ADGRL2: variants seen among roughly 807,000 people sequenced by gnomAD.
ADGRL2 encodes the protein calcium-independent alpha-latrotoxin receptor 2.
ADGRL2 carries 44 observed loss-of-function variants against 157.4 expected under a neutral mutation model. The observed-to-expected ratio is 0.28, with a 90% CI of 0.22 to 0.36. The LOEUF is 0.36. Among genes scored for constraint, ADGRL2 ranks in the 10% least tolerant of loss-of-function variants. The probability of loss-of-function intolerance (pLI) is 1.00; values close to 1 mark genes in which losing one functional copy is unlikely to be tolerated. For missense variants in ADGRL2, 1,510 were observed against 1,768.9 expected (o/e 0.85, Z 2.63); for synonymous variants, 585 against 624.7 (o/e 0.94, Z 0.95).
intron 1 of ADGRL2, among the ~76,000 whole-genome samples, chr1:81,344,434 T>G (rs1662312918): frequency 6.6e-6 from 1 of 152,102 alleles, no homozygotes; most frequent in Non-Finnish European, 1.5e-5. Context: ...CTCAGCACTT[T>G]GGGAGGACGA....
intron 18 of ADGRL2, 141 bp downstream of exon 18, chr1:81,980,101 G>A: frequency 3.4e-6 from 2 of 581,366 alleles, no homozygotes; most frequent in Non-Finnish European, 6.2e-6. Flanking sequence ...TTGAATCTCA[G>A]TGTTACTATA....
intron 2 of ADGRL2, among the ~76,000 whole-genome samples, chr1:81,773,162 T>C (rs1222788741): frequency 1.3e-5 from 2 of 152,126 alleles, no homozygotes; most frequent in African/African-American, 2.4e-5. Flanking sequence ...AATATATCAA[T>C]TGATGTATCC....
chr1:81,486,478 A>T (rs1232584570), intron 2 of ADGRL2, among the ~76,000 whole-genome samples: 1 of 152,162 alleles, frequency 6.6e-6, no homozygotes, highest in Non-Finnish European at 1.5e-5. Context: ...ACATACTGAG[A>T]TTTTAAAAGC....
At chr1:81,523,416 C>A (rs2148183131) in intron 2 of ADGRL2, among the ~76,000 whole-genome samples, 1 of 151,814 alleles carries the variant, frequency 6.6e-6, no homozygotes, top group African/African-American at 2.4e-5. Flanking sequence ...TATTGGCATG[C>A]ATACACACAC....
At chr1:81,940,955 T>C (rs1647721083) in intron 4 of ADGRL2, among the ~76,000 whole-genome samples, 1 of 149,822 alleles carries the variant, frequency 6.7e-6, no homozygotes, top group Non-Finnish European at 1.5e-5. Flanking sequence ...TTTTTCCTCA[T>C]GTAACTCTAC....
intron 1 of ADGRL2, among the ~76,000 whole-genome samples, chr1:81,815,270 C>T (rs1402469080): frequency 4.6e-5 from 7 of 151,724 alleles, no homozygotes; most frequent in Non-Finnish European, 8.9e-5. Context: ...TGTTAATACT[C>T]GTGTCAGAGG....
At chr1:81,879,252 AAAACACAGAG>A (rs755614787) in intron 2 of ADGRL2, among the ~76,000 whole-genome samples, 1 of 152,110 alleles carries the variant, frequency 6.6e-6, no homozygotes, top group Non-Finnish European at 1.5e-5. Context: ...AAGTATGCTT[AAAACACAGAG>A]TAATTAGCGA....
chr1:81,672,440 A>G (rs1194268521), intron 3 of ADGRL2, among the ~76,000 whole-genome samples: 1 of 152,184 alleles, frequency 6.6e-6, no homozygotes, highest in Admixed American at 6.5e-5. Flanking sequence ...TTTACAAGCT[A>G]AAAAAGCACT....
chr1:81,695,752 C>A (rs922500496), upstream of ADGRL2, among the ~76,000 whole-genome samples: 1 of 150,274 alleles, frequency 6.7e-6, no homozygotes, highest in African/African-American at 2.5e-5. Flanking sequence ...AGCTGGGAGG[C>A]GGAGGTTGCA....
intron 2 of ADGRL2, among the ~76,000 whole-genome samples, chr1:81,528,570 C>A (rs2079522687): frequency 6.9e-6 from 1 of 144,354 alleles, no homozygotes; most frequent in Non-Finnish European, 1.5e-5. Flanking sequence ...TGGCATGAAC[C>A]AGGGTGGCGG....
chr1:81,708,206 T>C (rs2083804408), intron 1 of ADGRL2, among the ~76,000 whole-genome samples: 1 of 152,126 alleles, frequency 6.6e-6, no homozygotes, highest in African/African-American at 2.4e-5. Flanking sequence ...CGGTTGTTGG[T>C]TTATCCGTCA....
chr1:81,882,297 G>A (rs944139029), intron 2 of ADGRL2, among the ~76,000 whole-genome samples: 1 of 152,022 alleles, frequency 6.6e-6, no homozygotes, highest in Non-Finnish European at 1.5e-5. Context: ...GAAGAATTTG[G>A]TTTATGCCAA....
At chr1:81,651,762 C>T (rs2082424972) in intron 3 of ADGRL2, among the ~76,000 whole-genome samples, 1 of 152,170 alleles carries the variant, frequency 6.6e-6, no homozygotes, top group Non-Finnish European at 1.5e-5. Context: ...GAGACAGGAT[C>T]TTGCTCATCA....
At chr1:81,610,467 G>A (rs968884686) in intron 3 of ADGRL2, among the ~76,000 whole-genome samples, 4 of 152,168 alleles carry the variant, frequency 2.6e-5, no homozygotes, top group Admixed American at 1.3e-4. Flanking sequence ...ACCATCAGAA[G>A]GAGGGCAGAT....
upstream of ADGRL2, among the ~76,000 whole-genome samples, chr1:81,696,568 C>T (rs1000518119): frequency 1.1e-4 from 16 of 151,858 alleles, no homozygotes; most frequent in African/African-American, 2.7e-4. Flanking sequence ...CTGGCTAACA[C>T]GGTGAAACCC....
rs187256931 is a variant in ADGRL2 at position 81,363,140 on chromosome 1, A to T, written c.-302+56631A>T. Among the ~76,000 whole-genome samples, 118 of 152,212 alleles carry T rather than the reference A, an allele frequency of 7.8e-4. 1 individual carries two copies. Among genetic ancestry groups the T allele is most frequent in the African/African-American group, 2.6e-3 (107 of 41,570 alleles). On this transcript the variant is annotated intron_variant, in intron 1 of 24. Transcript: ENST00000370721. ...TAAATCATTTCAGTATTTGGATGTAATTAGTCACATAAAAAAAGTTACAAA... is the reference window on the plus strand; with the variant it reads ...TAAATCATTTCAGTATTTGGATGTATTTAGTCACATAAAAAAAGTTACAAA...
At chr1:81,926,898 C>A (rs1439535508) in intron 3 of ADGRL2, among the ~76,000 whole-genome samples, 2 of 151,906 alleles carry the variant, frequency 1.3e-5, no homozygotes, top group Admixed American at 1.3e-4. Flanking sequence ...ATTAAACTGA[C>A]CCCAAGGTCC....
chr1:81,330,675 A>G (rs977573504), intron 1 of ADGRL2, among the ~76,000 whole-genome samples: 3 of 152,142 alleles, frequency 2.0e-5, no homozygotes, highest in Non-Finnish European at 2.9e-5. Flanking sequence ...CTGTTAACAC[A>G]TGGCATACTT....
At chr1:81,338,117 C>T (rs998388375) in intron 1 of ADGRL2, among the ~76,000 whole-genome samples, 15 of 152,148 alleles carry the variant, frequency 9.9e-5, no homozygotes, top group Admixed American at 6.5e-4. Flanking sequence ...AATCCCAGCA[C>T]GTTGGGAGGC....
Sources: allele counts gnomAD v4.1 joint callset (sites outside exome capture counted in the v4.1 genomes callset), GRCh38; gene constraint gnomAD v4.1.1; transcripts MANE v1.5; gene names NCBI Gene and HGNC (gene_info 2026-07-23, HGNC 2026-07-21).